The following THSD4 variants were observed in gnomAD, a reference collection of about 807,000 sequenced individuals.
The protein encoded by THSD4 is thrombospondin type-1 domain-containing protein 4.
A neutral mutation model predicts 119.0 loss-of-function variants in THSD4; 69 were observed. That is an observed-to-expected ratio of 0.58 (90% CI 0.48 to 0.71). The LOEUF (loss-of-function observed/expected upper bound fraction) is 0.71, where lower values mean the gene tolerates loss of function less well. Among genes scored for constraint, THSD4 ranks in the 30% least tolerant of loss-of-function variants. The probability of loss-of-function intolerance (pLI) is 0.00; values close to 1 mark genes in which losing one functional copy is unlikely to be tolerated. For missense variants in THSD4, 1,393 were observed against 1,391.1 expected, an observed-to-expected ratio of 1.00 and a Z score of -0.02; for synonymous variants, 524 against 540.4, an observed-to-expected ratio of 0.97 and a Z score of 0.42.
chr15:71,711,881 A>G (rs1263506434), intron 8 of THSD4, among the ~76,000 whole-genome samples: 1 of 152,186 alleles, frequency 6.6e-6, no homozygotes, highest in East Asian at 1.9e-4. Context: ...ATGCATCTAA[A>G]CAGCAAAACT....
At chr15:71,232,693 C>A (rs115120000) in intron 4 of THSD4, among the ~76,000 whole-genome samples, 1 of 151,972 alleles carries the variant, frequency 6.6e-6, no homozygotes, top group Non-Finnish European at 1.5e-5. Context: ...GGAAGGGAGA[C>A]GAAGACCGGA....
chr15:71,583,249 T>C (rs1462919714), intron 7 of THSD4, among the ~76,000 whole-genome samples: 2 of 152,176 alleles, frequency 1.3e-5, no homozygotes, highest in Non-Finnish European at 2.9e-5. Context: ...GTTTCTGTCA[T>C]ATCAGTTATA....
intron 6 of THSD4, among the ~76,000 whole-genome samples, chr15:71,286,830 T>G (rs1275570964): frequency 6.6e-6 from 1 of 152,238 alleles, no homozygotes; most frequent in African/African-American, 2.4e-5. Context: ...TTTTGTCACT[T>G]TGATAATAGC....
intron 5 of THSD4, among the ~76,000 whole-genome samples, chr15:71,245,644 A>T (rs1596289178): frequency 6.6e-6 from 1 of 152,324 alleles, no homozygotes; most frequent in African/African-American, 2.4e-5. Flanking sequence ...TTGTTATAAC[A>T]TGTAAAAGTT....
intron 7 of THSD4, among the ~76,000 whole-genome samples, chr15:71,412,496 C>T (rs2046702972): frequency 6.6e-6 from 1 of 152,194 alleles, no homozygotes; most frequent in African/African-American, 2.4e-5. Context: ...GCTTGGACTT[C>T]TACCCTCCTT....
At chr15:71,523,896 C>G (rs200297921) in intron 7 of THSD4, among the ~76,000 whole-genome samples, 1 of 151,758 alleles carries the variant, frequency 6.6e-6, no homozygotes. Flanking sequence ...TGGTTCTATA[C>G]ATAAAGACAT....
intron 6 of THSD4, among the ~76,000 whole-genome samples, chr15:71,257,682 T>C (rs2044335860): frequency 6.6e-6 from 1 of 152,110 alleles, no homozygotes; most frequent in African/African-American, 2.4e-5. Flanking sequence ...GTTCTATACT[T>C]AGAGGCCCTT....
In THSD4 at chr15:71,445,113, C is replaced by T. The variant is rs77079527; in HGVS notation, c.1152+33290C>T. On this transcript the variant is annotated intron_variant, in intron 7 of 17. Coordinates refer to ENST00000261862, the MANE Select transcript of THSD4 (RefSeq NM_024817.3). ...TTCTATGGGGAATACCTTTTCCTATCTGTACACATGGCAAATAGCTGTTCA... is the reference window on the plus strand; with the variant it reads ...TTCTATGGGGAATACCTTTTCCTATTTGTACACATGGCAAATAGCTGTTCA... Among the ~76,000 whole-genome samples the T allele has an allele frequency of 3.5e-3, 532 of 152,228 alleles. 5 individuals carry two copies. Among genetic ancestry groups the T allele is most frequent in the African/African-American group, 0.012 (506 of 41,564 alleles).
intron 8 of THSD4, among the ~76,000 whole-genome samples, chr15:71,709,412 T>C (rs1426868600): frequency 6.6e-6 from 1 of 152,182 alleles, no homozygotes; most frequent in Non-Finnish European, 1.5e-5. Context: ...AAAGCTGAGC[T>C]GCAGCAATTG....
At chr15:71,559,666 G>A (rs879590198) in intron 7 of THSD4, among the ~76,000 whole-genome samples, 8 of 151,312 alleles carry the variant, frequency 5.3e-5, no homozygotes, top group South Asian at 2.1e-4. Context: ...AATATTCATC[G>A]CAATGACATA....
At chr15:71,745,264 T>G (rs1179380421) in intron 12 of THSD4, 29 bp downstream of exon 12, 4 of 1,612,584 alleles carry the variant, frequency 2.5e-6, no homozygotes, top group South Asian at 2.2e-5. Flanking sequence ...TTAGGTCGCC[T>G]ATTACCGGGT....
intron 1 of THSD4, among the ~76,000 whole-genome samples, chr15:71,097,448 C>A (rs951739862): frequency 2.6e-5 from 4 of 151,672 alleles, no homozygotes; most frequent in Non-Finnish European, 5.9e-5. Context: ...TGCCTGTGGT[C>A]CCAGCTACTC....
intron 7 of THSD4, among the ~76,000 whole-genome samples, chr15:71,546,012 A>T (rs966858369): frequency 1.3e-5 from 2 of 152,176 alleles, no homozygotes; most frequent in African/African-American, 4.8e-5. Context: ...CTTATTTCAG[A>T]TCAAAGAGAA....
At chr15:71,121,149 AG>A (rs5813618) in intron 1 of THSD4, among the ~76,000 whole-genome samples, 150,181 of 152,194 alleles carry the variant, frequency 0.99, 74,137 homozygotes, top group East Asian at 1. Context: ...GTGAAGGAAG[AG>A]GGAGCCCACC....
intron 6 of THSD4, among the ~76,000 whole-genome samples, chr15:71,357,145 A>C (rs932814570): frequency 2.0e-5 from 3 of 152,140 alleles, no homozygotes; most frequent in Admixed American, 2.0e-4. Context: ...TGATGGAGAG[A>C]ATACAAAGGA....
At position 71,154,505 on chromosome 15, in the gene THSD4, G is replaced by A. The variant is rs143021198; in HGVS notation, c.30-358G>A. ...CACTAGCACTCCCTCTGCCAGGCAC[G>A]GTGCATCCTCTTACTCAGTTCTCCC... On this transcript the variant is annotated intron_variant, in intron 2 of 17. Transcript: ENST00000261862. 6.6e-4 allele frequency among the ~76,000 whole-genome samples: 101 copies of A among 152,286 alleles called. No homozygotes were observed. The Middle Eastern group carries it at 0.01, about 15-fold the overall frequency.
chr15:71,436,959 T>C (rs569880906), intron 7 of THSD4, among the ~76,000 whole-genome samples: 29 of 152,268 alleles, frequency 1.9e-4, no homozygotes, highest in African/African-American at 6.7e-4. Flanking sequence ...CTGTGTTCAT[T>C]TGTTTTTGCA....
chr15:71,233,986 G>A (rs1023059443), intron 4 of THSD4, among the ~76,000 whole-genome samples: 3 of 152,298 alleles, frequency 2.0e-5, no homozygotes, highest in South Asian at 2.1e-4. Context: ...CAAGCTGTCG[G>A]CTGTGCTTCA....
chr15:71,578,128 A>G (rs1008371279), intron 7 of THSD4, among the ~76,000 whole-genome samples: 15 of 150,198 alleles, frequency 1.0e-4, no homozygotes, highest in Non-Finnish European at 1.9e-4. Context: ...TCTATATAGT[A>G]TATATATACA....
Sources: allele counts gnomAD v4.1 joint callset (sites outside exome capture counted in the v4.1 genomes callset), GRCh38; gene constraint gnomAD v4.1.1; transcripts MANE v1.5; gene names NCBI Gene and HGNC (gene_info 2026-07-23, HGNC 2026-07-21).